Variants in SYNPR observed in about 807,000 individuals in gnomAD.
The protein encoded by SYNPR is synaptoporin.
A neutral mutation model predicts 32.9 loss-of-function variants in SYNPR; 23 were observed. The ratio of observed to expected loss-of-function variants is 0.70; its 90% CI spans 0.50 to 0.99. The LOEUF (loss-of-function observed/expected upper bound fraction) is 0.99. Ranked by LOEUF, SYNPR falls within the 50% of genes least tolerant of loss-of-function variation. The pLI, the probability that SYNPR is intolerant of heterozygous loss-of-function variation, is 0.00. For missense variants in SYNPR, 318 were observed against 349.3 expected (o/e 0.91, Z 0.71); for synonymous variants, 146 against 135.9 (o/e 1.07, Z -0.52).
intron 4 of SYNPR, among the ~76,000 whole-genome samples, chr3:63,563,391 G>A (rs186700971): frequency 6.6e-6 from 1 of 152,296 alleles, no homozygotes; most frequent in African/African-American, 2.4e-5. Flanking sequence ...GAGATATGGA[G>A]CTGGATGCTC....
chr3:63,411,912 C>T (rs35569964), intron 2 of SYNPR, among the ~76,000 whole-genome samples: 58,081 of 151,758 alleles, frequency 0.38, 11,634 homozygotes, highest in Middle Eastern at 0.5. Context: ...TTCTAAAATG[C>T]CATTTTGACC....
chr3:63,316,116 T>C (rs2087040767), intron 2 of SYNPR, among the ~76,000 whole-genome samples: 1 of 152,106 alleles, frequency 6.6e-6, no homozygotes, highest in Non-Finnish European at 1.5e-5. Context: ...ATTATCTTTT[T>C]GATAGGTTGT....
At chr3:63,365,351 C>T (rs1487571615) in intron 2 of SYNPR, among the ~76,000 whole-genome samples, 3 of 152,054 alleles carry the variant, frequency 2.0e-5, no homozygotes, top group Non-Finnish European at 4.4e-5. Flanking sequence ...TTCTTCCTGA[C>T]TGGACGTGGG....
At chr3:63,210,067 G>C in the SYNPR span, among the ~76,000 whole-genome samples, 1 of 152,096 alleles carries the variant, frequency 6.6e-6, no homozygotes, top group Non-Finnish European at 1.5e-5. Flanking sequence ...TAAGAGAACA[G>C]TCAAGTGAAT....
At chr3:63,378,015 C>T (rs1248273926) in intron 2 of SYNPR, among the ~76,000 whole-genome samples, 1 of 151,548 alleles carries the variant, frequency 6.6e-6, no homozygotes, top group African/African-American at 2.4e-5. Context: ...ATTATAAGAG[C>T]ATAAAAACTT....
chr3:63,586,776 T>C lies in SYNPR; in HGVS notation c.409-22349T>C, dbSNP rs577190221. ...GCTCTAGGGACACAGGTGATTAAGATAGTCCTATGCGCAAGGACCTCACAG... is the reference window on the plus strand; with the variant it reads ...GCTCTAGGGACACAGGTGATTAAGACAGTCCTATGCGCAAGGACCTCACAG... On this transcript the variant is annotated intron_variant, in intron 4 of 5. Coordinates refer to ENST00000478300, the MANE Select transcript of SYNPR (RefSeq NM_001130003.2). Among the ~76,000 whole-genome samples, 97 of 151,644 alleles carry C rather than the reference T, an allele frequency of 6.4e-4. 1 individual carries two copies. The highest frequency in any genetic ancestry group is 7.4e-4 in the Non-Finnish European group (50 of 67,894).
At chr3:63,489,742 T>C (rs1398084186) in intron 3 of SYNPR, among the ~76,000 whole-genome samples, 1 of 152,176 alleles carries the variant, frequency 6.6e-6, no homozygotes, top group Non-Finnish European at 1.5e-5. Context: ...CATGTACATA[T>C]TTTTACAGTT....
In SYNPR at chr3:63,544,320, C is replaced by T. The variant is rs180743812; in HGVS notation, c.210-12223C>T. Among the ~76,000 whole-genome samples the T allele has an allele frequency of 1.3e-3, 200 of 152,078 alleles. 1 individual carries two copies. The highest frequency in any genetic ancestry group is 3.4e-3 in the Middle Eastern group (1 of 294). On this transcript the variant is annotated intron_variant, in intron 3 of 5. Transcript: ENST00000478300. ...ACTGTTCCTAGTTAAATAAAATGTA[C>T]AATGTTTTCTTGTGTCTTAGACATT...
At chr3:63,432,968 G>T (rs1700020265) in intron 2 of SYNPR, among the ~76,000 whole-genome samples, 1 of 152,192 alleles carries the variant, frequency 6.6e-6, no homozygotes, top group African/African-American at 2.4e-5. Flanking sequence ...TCTGATTCAG[G>T]AGAGGTCAGG....
At chr3:63,479,699 G>A (rs1701007495) in intron 2 of SYNPR, among the ~76,000 whole-genome samples, 1 of 152,108 alleles carries the variant, frequency 6.6e-6, no homozygotes, top group African/African-American at 2.4e-5. Context: ...CAGCCTTCTT[G>A]TCCACAGCAA....
intron 2 of SYNPR, among the ~76,000 whole-genome samples, chr3:63,375,666 C>CTG: frequency 6.6e-6 from 1 of 151,982 alleles, no homozygotes; most frequent in East Asian, 1.9e-4. Flanking sequence ...ACATGTATAC[C>CTG]TGTGTAACAA....
At chr3:63,214,022 C>T in the SYNPR span, among the ~76,000 whole-genome samples, 5 of 46,490 alleles carry the variant, frequency 1.1e-4, 2 homozygotes, top group Admixed American at 7.6e-4. Context: ...TATTGATTTG[C>T]GTATATTGAA....
intron 2 of SYNPR, among the ~76,000 whole-genome samples, chr3:63,282,093 T>A (rs9840413): frequency 3.9e-5 from 6 of 152,198 alleles, no homozygotes; most frequent in Admixed American, 1.3e-4. Context: ...GCAGAAGACA[T>A]GTCTTTTGAC....
chr3:63,364,895 G>A (rs1234346838), intron 2 of SYNPR, among the ~76,000 whole-genome samples: 2 of 152,102 alleles, frequency 1.3e-5, no homozygotes, highest in Non-Finnish European at 2.9e-5. Flanking sequence ...TAGGTTACAG[G>A]GTAAATGAAT....
intron 2 of SYNPR, among the ~76,000 whole-genome samples, chr3:63,388,046 G>A (rs2088078491): frequency 1.3e-5 from 2 of 152,148 alleles, no homozygotes; most frequent in African/African-American, 2.4e-5. Flanking sequence ...GGACCCTGCA[G>A]GGAGTTCTAA....
chr3:63,356,942 T>C (rs541784393), intron 2 of SYNPR, among the ~76,000 whole-genome samples: 1 of 152,348 alleles, frequency 6.6e-6, no homozygotes. Context: ...GGCTGTAATC[T>C]TGCCTGTTTC....
intron 3 of SYNPR, among the ~76,000 whole-genome samples, chr3:63,521,345 A>G (rs560696003): frequency 6.6e-6 from 1 of 152,332 alleles, no homozygotes; most frequent in African/African-American, 2.4e-5. Context: ...TTAAAATCTC[A>G]TCTCTAGGAA....
chr3:63,261,482 C>T (rs1047042598), intron 2 of SYNPR, among the ~76,000 whole-genome samples: 13 of 147,824 alleles, frequency 8.8e-5, no homozygotes, highest in East Asian at 6.0e-4. Context: ...AACCAAACAC[C>T]GCATATTCTC....
At chr3:63,343,895 T>G (rs999588462) in intron 2 of SYNPR, among the ~76,000 whole-genome samples, 6 of 152,242 alleles carry the variant, frequency 3.9e-5, no homozygotes, top group African/African-American at 1.4e-4. Context: ...AACCTGCTGT[T>G]GCAATTCGTA....
Sources: allele counts gnomAD v4.1 joint callset (sites outside exome capture counted in the v4.1 genomes callset), GRCh38; gene constraint gnomAD v4.1.1; transcripts MANE v1.5; gene names NCBI Gene and HGNC (gene_info 2026-07-23, HGNC 2026-07-21).